Variants in CHD6 observed in about 807,000 individuals in gnomAD.
The protein encoded by CHD6 is ATP-dependent chromatin remodeler CHD6.
Under a neutral mutation model 276.9 loss-of-function variants are expected in CHD6, and 50 were observed. The ratio of observed to expected loss-of-function variants is 0.18; its 90% confidence interval spans 0.14 to 0.23. The LOEUF is 0.23. Among genes scored for constraint, CHD6 ranks in the 10% least tolerant of loss-of-function variants. The pLI, the probability that CHD6 is intolerant of heterozygous loss-of-function variation, is 1.00. For missense variants in CHD6, 2,564 were observed against 3,365.8 expected, an observed-to-expected ratio of 0.76 and a Z score of 5.89; for synonymous variants, 1,173 against 1,229.3, an observed-to-expected ratio of 0.95 and a Z score of 0.96.
intron 3 of CHD6, among the ~76,000 whole-genome samples, chr20:41,522,623 C>CA (rs2044428779): frequency 6.6e-6 from 1 of 152,030 alleles, no homozygotes. Context: ...AACTTGTTTG[C>CA]AACTGGTTCA....
chr20:41,567,625 G>A (rs1462596636), intron 1 of CHD6, among the ~76,000 whole-genome samples: 4 of 152,008 alleles, frequency 2.6e-5, no homozygotes, highest in African/African-American at 4.8e-5. Flanking sequence ...AAAAGGGGGT[G>A]AGCATTTGGT....
intron 25 of CHD6, among the ~76,000 whole-genome samples, chr20:41,445,189 A>G (rs967496801): frequency 9.2e-5 from 14 of 152,238 alleles, no homozygotes; most frequent in Non-Finnish European, 1.9e-4. Flanking sequence ...AGTCTATGCT[A>G]TCTTCTATGC....
At position 41,533,495 on chromosome 20, in the gene CHD6, G is replaced by C. The variant is rs772654007; in HGVS notation, c.109C>G (p.Pro37Ala). Residue 37 changes from proline to alanine, a missense_variant, in exon 3 of 37, where the codon CCA becomes GCA. Physicochemically the swap from Pro to Ala is conservative, Grantham distance 27 (BLOSUM62 -1). Transcript: ENST00000373233. Reference protein sequence around the residue: ...SVNFDYKSPSPFDCSTDQEEK... With the variant: ...SVNFDYKSPSAFDCSTDQEEK... Reference sequence around the variant, plus strand: ...TCTTGATCAGTGCTGCAGTCAAATGGGGATGGAGATTTGTAGTCAAAATTG... The same window carrying C: ...TCTTGATCAGTGCTGCAGTCAAATGCGGATGGAGATTTGTAGTCAAAATTG... 6 of 1,613,758 alleles carry C rather than the reference G, an allele frequency of 3.7e-6. No homozygotes were observed. Among genetic ancestry groups the C allele is most frequent in the Admixed American group, 1.7e-5 (1 of 59,970 alleles).
intron 2 of CHD6, among the ~76,000 whole-genome samples, chr20:41,540,651 G>T (rs890512564): frequency 6.6e-6 from 1 of 152,126 alleles, no homozygotes; most frequent in Admixed American, 6.5e-5. Context: ...CCTTCATCCA[G>T]CTGTGCTTCC....
In CHD6 at chr20:41,452,978, C is replaced by G; in HGVS notation, c.3121-36G>C. The G allele has an allele frequency of 2.0e-6, 3 of 1,491,288 alleles. No homozygotes were observed. The highest frequency in any genetic ancestry group is 2.8e-6 in the Non-Finnish European group (3 of 1,068,894). The allele number at this position is 1,491,288 out of a possible 1,614,324, so 92.4% of individuals were successfully genotyped here. Reference sequence around the variant, plus strand: ...AGAGGACTACTGGGAAGAAAGTCCTCTTTTCTCTACTCCTTTCACAAAGCA... The same window carrying G: ...AGAGGACTACTGGGAAGAAAGTCCTGTTTTCTCTACTCCTTTCACAAAGCA... On this transcript the variant is annotated intron_variant, in intron 20 of 36. Coordinates refer to ENST00000373233, the MANE Select transcript of CHD6 (RefSeq NM_032221.5). This position sits in a 1 kb window ranked among gnomAD's most constrained non-coding sequence, Gnocchi z 4.2.
intron 1 of CHD6, among the ~76,000 whole-genome samples, chr20:41,576,623 G>A (rs2045477277): frequency 6.6e-6 from 1 of 152,110 alleles, no homozygotes; most frequent in Admixed American, 6.5e-5. Context: ...GCAGTGAGCT[G>A]AGATCGCACC....
At chr20:41,525,378 C>T (rs930657234) in intron 3 of CHD6, among the ~76,000 whole-genome samples, 6 of 152,196 alleles carry the variant, frequency 3.9e-5, no homozygotes, top group African/African-American at 7.2e-5. Flanking sequence ...CAGCCACCTC[C>T]GCTTCTGGCC....
At chr20:41,449,068 A>C (rs1250153990) in intron 23 of CHD6, among the ~76,000 whole-genome samples, 3 of 151,932 alleles carry the variant, frequency 2.0e-5, no homozygotes, top group Non-Finnish European at 4.4e-5. Context: ...CATTCGGCTA[A>C]TTTTTTATAT....
At chr20:41,496,356 A>T (rs1485058608) in intron 8 of CHD6, among the ~76,000 whole-genome samples, 1 of 152,150 alleles carries the variant, frequency 6.6e-6, no homozygotes, top group Admixed American at 6.5e-5. Flanking sequence ...TGATCCTGAC[A>T]TTTATTCTCT....
At chr20:41,614,009 T>TA (rs59802909) in intron 1 of CHD6, among the ~76,000 whole-genome samples, 2,542 of 131,054 alleles carry the variant, frequency 0.019, 50 homozygotes, top group African/African-American at 0.064. Context: ...TCTTAGAGTA[T>TA]AAAAAAAAAA....
rs1415248992 is a variant in CHD6 at position 41,405,236 on chromosome 20, A to G, written c.7505T>C (p.Phe2502Ser). 5 of 1,614,072 alleles carry G rather than the reference A, an allele frequency of 3.1e-6. No homozygotes were observed. In the Admixed American group the frequency reaches 8.3e-5, roughly 27 times the overall value. ...LTGLVGFPAG[F>S]ATMPTGEEVK... ...CTCTTCACCTGTTGGCATCGTGGCA[A>G]AGCCAGCTGGAAACCCCACCAGCCC... Residue 2502 changes from phenylalanine to serine, a missense_variant, in exon 37 of 37, where the codon TTT (phenylalanine) becomes TCT (serine). Physicochemically the swap from Phe to Ser is radical, Grantham distance 155. Coordinates refer to ENST00000373233, the MANE Select transcript of CHD6 (RefSeq NM_032221.5).
At chr20:41,579,958 A>G (rs2045518996) in intron 1 of CHD6, among the ~76,000 whole-genome samples, 1 of 152,232 alleles carries the variant, frequency 6.6e-6, no homozygotes, top group Admixed American at 6.5e-5. Context: ...GTACATTTAC[A>G]GCAATCTCTT....
rs2047158220 is a variant in CHD6 at position 41,420,691 on chromosome 20, T to G, written c.5944A>C (p.Thr1982Pro). ...TTAAACGGCTGTGATGGAATAGCAG[T>G]GGGTTCACCCTCCATGGCGATAGTA... is the stretch of plus-strand genomic sequence containing the variant. Reference protein sequence around the residue: ...TNTIAMEGEPTAIPSQPFKVK... With the variant: ...TNTIAMEGEPPAIPSQPFKVK... Residue 1982 changes from threonine (T) to proline (P), a missense_variant, in exon 31 of 37, where the codon ACT becomes CCT. Around this residue, in one of 7 missense-constraint regions of CHD6, gnomAD observed 1,024 missense variants for 1,047.9 expected, o/e 0.98. Transcript: ENST00000373233. 6.2e-7 allele frequency: 1 copy of G among 1,614,138 alleles called. No individual in the cohort carries two copies. The highest frequency in any genetic ancestry group is 1.1e-5 in the South Asian group (1 of 91,084).
In CHD6 at chr20:41,442,949, C is replaced by A. The variant is rs139177197; in HGVS notation, c.3877+2716G>T. On this transcript the variant is annotated intron_variant, in intron 25 of 36. Transcript: ENST00000373233. ...GCAGAGTCTGCATTTATGGCTTAGG[C>A]TCAGTCTCCTAGCACTGAAAACAGA... Among the ~76,000 whole-genome samples, 417 of 152,340 alleles carry A rather than the reference C, an allele frequency of 2.7e-3. 2 individuals are homozygous for A. Among genetic ancestry groups the A allele is most frequent in the Middle Eastern group, 0.024 (7 of 294 alleles).
chr20:41,588,281 T>G lies in CHD6; in HGVS notation c.-24+30059A>C, dbSNP rs565844530. 3.9e-5 allele frequency among the ~76,000 whole-genome samples: 6 copies of G among 152,314 alleles called. 1 individual carries two copies. In the South Asian group the frequency reaches 1.2e-3, roughly 32 times the overall value. ...CAGTGTCATACAACAATAAGAATTTTATTTTCACTCAGGCATCTGAGTTGC... is the reference window on the plus strand; with the variant it reads ...CAGTGTCATACAACAATAAGAATTTGATTTTCACTCAGGCATCTGAGTTGC... On this transcript the variant is annotated intron_variant, in intron 1 of 36. Transcript: ENST00000373233.
chr20:41,416,646 G>T lies in CHD6; in HGVS notation c.6428C>A (p.Pro2143Gln). 1 of 1,613,928 alleles carries T rather than the reference G, an allele frequency of 6.2e-7. No homozygotes were observed. Among genetic ancestry groups the T allele is most frequent in the Non-Finnish European group, 8.5e-7 (1 of 1,179,954 alleles). ...GCTGAAGCTGTGTTCTGCTGCTTCCGGCTCTGAGAGGCTGGTTCGAGAACC... is the reference window on the plus strand; with the variant it reads ...GCTGAAGCTGTGTTCTGCTGCTTCCTGCTCTGAGAGGCTGGTTCGAGAACC... ...SAGSRTSLSEPEAAEHSFSNG... is the reference protein window; with the variant it reads ...SAGSRTSLSEQEAAEHSFSNG... Residue 2143 changes from proline (P) to glutamine (Q), a missense_variant, in exon 33 of 37, where the codon CCG (proline) becomes CAG (glutamine). Transcript: ENST00000373233.
At chr20:41,409,941 T>C (rs1053355920) in intron 36 of CHD6, among the ~76,000 whole-genome samples, 7 of 152,156 alleles carry the variant, frequency 4.6e-5, no homozygotes, top group African/African-American at 1.7e-4. Flanking sequence ...TATGTGTGTG[T>C]ATACATATAT....
chr20:41,496,372 T>C (rs556544149), intron 8 of CHD6, among the ~76,000 whole-genome samples: 32 of 152,286 alleles, frequency 2.1e-4, no homozygotes, highest in Admixed American at 2.0e-4. Flanking sequence ...TCTCTCAGTA[T>C]TGGATCTGGT....
intron 3 of CHD6, among the ~76,000 whole-genome samples, chr20:41,518,484 C>T (rs1180765910): frequency 3.3e-5 from 5 of 152,126 alleles, no homozygotes; most frequent in Non-Finnish European, 1.5e-5. Context: ...GAAGCACTTT[C>T]CAAGTCAAGC....
Sources: allele counts gnomAD v4.1 joint callset (sites outside exome capture counted in the v4.1 genomes callset), GRCh38; gene constraint gnomAD v4.1.1; regional missense constraint gnomAD v4.1.1; non-coding constraint Gnocchi (gnomAD v3.1); transcripts MANE v1.5; gene names NCBI Gene and HGNC (gene_info 2026-07-23, HGNC 2026-07-21).